AUTS2: variants seen among roughly 807,000 people sequenced by gnomAD.
The protein encoded by AUTS2 is autism susceptibility gene 2 protein.
Under a neutral mutation model 112.4 loss-of-function variants are expected in AUTS2, and 17 were observed. The ratio of observed to expected loss-of-function variants is 0.15; its 90% confidence interval spans 0.10 to 0.23. AUTS2 has a LOEUF of 0.23. Ranked by LOEUF, AUTS2 falls within the 10% of genes least tolerant of loss-of-function variation. AUTS2 has a pLI of 1.00. For synonymous variants in AUTS2, 751 were observed against 702.7 expected, an observed-to-expected ratio of 1.07 and a Z score of -1.09; for missense variants, 1,510 against 1,701.6, an observed-to-expected ratio of 0.89 and a Z score of 1.98.
intron 5 of AUTS2, among the ~76,000 whole-genome samples, chr7:70,558,234 C>A (rs1368236939): frequency 6.6e-6 from 1 of 152,112 alleles, no homozygotes; most frequent in Non-Finnish European, 1.5e-5. Flanking sequence ...GTGTCCCTAC[C>A]CTCCAGCCCC....
chr7:69,759,078 A>G (rs1044601094), intron 1 of AUTS2, among the ~76,000 whole-genome samples: 2 of 152,194 alleles, frequency 1.3e-5, no homozygotes, highest in Admixed American at 6.5e-5. Flanking sequence ...AGATGTAGGT[A>G]CTGTTATTTT....
At chr7:70,486,835 T>C (rs1223482031) in intron 5 of AUTS2, among the ~76,000 whole-genome samples, 1 of 151,288 alleles carries the variant, frequency 6.6e-6, no homozygotes, top group Non-Finnish European at 1.5e-5. Flanking sequence ...GTGGTGCTGG[T>C]GGTGGTGGTG....
intron 1 of AUTS2, among the ~76,000 whole-genome samples, chr7:69,864,386 T>C (rs1454483154): frequency 6.6e-6 from 1 of 152,238 alleles, no homozygotes; most frequent in Non-Finnish European, 1.5e-5. Context: ...TGCAGCCCTG[T>C]GCTGGGTGTG....
chr7:69,816,066 G>T (rs533950368), intron 1 of AUTS2, among the ~76,000 whole-genome samples: 2 of 152,302 alleles, frequency 1.3e-5, no homozygotes, highest in African/African-American at 4.8e-5. Flanking sequence ...CAAGCCTTTT[G>T]CCTCTGAAAT....
At chr7:69,686,802 G>C (rs555379286) in intron 1 of AUTS2, among the ~76,000 whole-genome samples, 1 of 152,248 alleles carries the variant, frequency 6.6e-6, no homozygotes, top group Admixed American at 6.5e-5. Flanking sequence ...GTCATGAGTG[G>C]TGATTTTCAG....
At chr7:70,705,867 G>T (rs1190221646) in intron 6 of AUTS2, among the ~76,000 whole-genome samples, 1 of 152,162 alleles carries the variant, frequency 6.6e-6, no homozygotes, top group African/African-American at 2.4e-5. Flanking sequence ...AATCCCTCGT[G>T]GGGTGCTCTG....
At position 69,807,537 on chromosome 7, in the gene AUTS2, A is replaced by G. The variant is rs146789851; in HGVS notation, c.310-91749A>G. ...GGAAAAGAGGTCATTGCTCTTCCTT[A>G]GAGACCTGTTCTTGTTGCATTTAAA... On this transcript the variant is annotated intron_variant, in intron 1 of 18. Coordinates refer to ENST00000342771, the MANE Select transcript of AUTS2 (RefSeq NM_015570.4). Among the ~76,000 whole-genome samples, 22 of 152,266 alleles carry G rather than the reference A, an allele frequency of 1.4e-4. No individual in the cohort carries two copies. The East Asian group carries it at 3.1e-3, about 21-fold the overall frequency.
intron 6 of AUTS2, among the ~76,000 whole-genome samples, chr7:70,745,530 T>A (rs1585615432): frequency 6.6e-6 from 1 of 152,340 alleles, no homozygotes; most frequent in East Asian, 1.9e-4. Context: ...CAGCTGTTTA[T>A]ATTTTCTTAT....
Position 70,791,059 on chromosome 7 carries a change from G to A in AUTS2, c.*63G>A. The A allele has an allele frequency of 1.4e-6, 2 of 1,417,418 alleles. No homozygotes were observed. The highest frequency in any genetic ancestry group is 9.2e-7 in the Non-Finnish European group (1 of 1,089,054). The allele number at this position is 1,417,418 out of a possible 1,614,324, so 87.8% of individuals were successfully genotyped here. A position where few individuals can be genotyped will look rare whatever the true frequency, so the allele number is the denominator to read the frequency against. On this transcript the variant is annotated 3_prime_UTR_variant, in exon 19 of 19. Transcript: ENST00000342771. ...TAGGCAGACACCAGGCCAGGCTTGA[G>A]AGACAGAACTCCTGCATGGCTCACA...
intron 4 of AUTS2, among the ~76,000 whole-genome samples, chr7:70,207,826 A>C (rs1055274994): frequency 6.6e-6 from 1 of 152,084 alleles, no homozygotes; most frequent in Non-Finnish European, 1.5e-5. Context: ...AGCCTGACCA[A>C]CATGGTGAAA....
intron 5 of AUTS2, among the ~76,000 whole-genome samples, chr7:70,691,160 A>C (rs1388817892): frequency 6.6e-6 from 1 of 152,200 alleles, no homozygotes. Flanking sequence ...CATATATTAA[A>C]AATTATTTCT....
intron 4 of AUTS2, among the ~76,000 whole-genome samples, chr7:70,289,588 T>A (rs1725366823): frequency 6.6e-6 from 1 of 152,160 alleles, no homozygotes; most frequent in Non-Finnish European, 1.5e-5. Context: ...TGGAGAGAAG[T>A]CTTGGTTTAT....
chr7:70,141,499 G>A lies in AUTS2; in HGVS notation c.660+6928G>A, dbSNP rs867316994. 4.6e-5 allele frequency among the ~76,000 whole-genome samples: 7 copies of A among 152,198 alleles called. 1 individual carries two copies. The South Asian group carries it at 1.5e-3, about 32-fold the overall frequency. On this transcript the variant is annotated intron_variant, in intron 4 of 18. Coordinates refer to ENST00000342771, the MANE Select transcript of AUTS2 (RefSeq NM_015570.4). Reference sequence around the variant, plus strand: ...ATTACCAATGCCTTTGAAGCTACCTGTGTACTGTGCAGAAACATCTGGGCA... The same window carrying A: ...ATTACCAATGCCTTTGAAGCTACCTATGTACTGTGCAGAAACATCTGGGCA...
chr7:70,786,980 A>T, intron 17 of AUTS2: 1 of 618,858 alleles, frequency 1.6e-6, no homozygotes, highest in Non-Finnish European at 2.8e-6. Context: ...CCCTGTCCCC[A>T]CCTTTGCTTT....
intron 4 of AUTS2, among the ~76,000 whole-genome samples, chr7:70,358,952 C>T (rs1202621333): frequency 1.3e-5 from 2 of 152,298 alleles, no homozygotes; most frequent in East Asian, 1.9e-4. Flanking sequence ...AAGGCTTAGT[C>T]TTTAGATTCA....
At chr7:70,744,299 C>T (rs79808556) in intron 6 of AUTS2, among the ~76,000 whole-genome samples, 13,528 of 152,150 alleles carry the variant, frequency 0.089, 978 homozygotes, top group East Asian at 0.33. Flanking sequence ...CATTTGTCTG[C>T]GGTGAGGTAG....
intron 2 of AUTS2, among the ~76,000 whole-genome samples, chr7:70,109,867 A>AG (rs1424346301): frequency 1.3e-5 from 2 of 152,162 alleles, no homozygotes; most frequent in Non-Finnish European, 2.9e-5. Context: ...TCAGATGGTG[A>AG]GGGGGCCTTA....
intron 5 of AUTS2, among the ~76,000 whole-genome samples, chr7:70,645,256 T>C (rs1165865131): frequency 8.3e-6 from 1 of 119,922 alleles, no homozygotes. Flanking sequence ...CATTAGGAGC[T>C]GGACATGAAA....
chr7:70,459,994 G>A (rs1002733299), intron 5 of AUTS2, among the ~76,000 whole-genome samples: 3 of 152,144 alleles, frequency 2.0e-5, no homozygotes, highest in Non-Finnish European at 4.4e-5. Flanking sequence ...GAACAAGCAA[G>A]GCCCCATGGA....
Sources: gnomAD v4.1 joint callset for allele counts (sites outside exome capture counted in the v4.1 genomes callset) on GRCh38, gnomAD v4.1.1 for gene constraint, MANE v1.5 for transcripts, NCBI Gene and HGNC (gene_info 2026-07-23, HGNC 2026-07-21) for gene names.